The following BCAS3 variants were observed in gnomAD, a reference collection of about 807,000 sequenced individuals.
BCAS3 encodes the protein BCAS3 microtubule associated cell migration factor.
BCAS3 carries 53 observed loss-of-function variants against 116.1 expected under a neutral mutation model. The ratio of observed to expected loss-of-function variants is 0.46; its 90% CI spans 0.37 to 0.57. The LOEUF (loss-of-function observed/expected upper bound fraction) is 0.57, where lower values mean the gene tolerates loss of function less well. Ranked by LOEUF, BCAS3 falls within the 20% of genes least tolerant of loss-of-function variation. The pLI is 0.00. For missense variants in BCAS3, 917 were observed against 1,165.4 expected (o/e 0.79, Z 3.10); for synonymous variants, 391 against 408.2 (o/e 0.96, Z 0.51).
intron 22 of BCAS3, among the ~76,000 whole-genome samples, chr17:61,319,201 T>C (rs1022052419): frequency 2.2e-4 from 34 of 152,284 alleles, no homozygotes; most frequent in African/African-American, 7.9e-4. Flanking sequence ...CTGATCCCAG[T>C]AGGTAGCCAG....
rs1445513202 is a variant in BCAS3, at chr17:61,380,730, T to G, written c.2594-11247T>G. ...TGGGAGGTCTCTTCTGGAAGGGGAC[T>G]GGTTTGGGATGGGGAGTGGTTGTCA... On this transcript the variant is annotated intron_variant, in intron 23 of 23. Transcript: ENST00000407086. This position sits in a 1 kb window ranked among gnomAD's most constrained non-coding sequence, Gnocchi z 4.2. 6.6e-6 allele frequency among the ~76,000 whole-genome samples: 1 copy of G among 152,158 alleles called. No individual in the cohort carries two copies. The highest frequency in any genetic ancestry group is 2.4e-5 in the African/African-American group (1 of 41,444).
At chr17:61,071,365 ATTCTCCAAACTTT>A (rs1215797728) in intron 19 of BCAS3, among the ~76,000 whole-genome samples, 3 of 152,220 alleles carry the variant, frequency 2.0e-5, no homozygotes, top group African/African-American at 7.2e-5. Context: ...AATAATGTAG[ATTCTCCAAACTTT>A]TACTACTGAT....
At chr17:60,931,168 A>G (rs898316950) in intron 13 of BCAS3, among the ~76,000 whole-genome samples, 2 of 152,164 alleles carry the variant, frequency 1.3e-5, no homozygotes, top group Admixed American at 6.5e-5. Context: ...ATTGATCCCC[A>G]TGGTTAGATC....
At chr17:61,010,501 A>T (rs1045582674) in intron 15 of BCAS3, among the ~76,000 whole-genome samples, 9 of 150,308 alleles carry the variant, frequency 6.0e-5, no homozygotes, top group African/African-American at 1.5e-4. Flanking sequence ...TTTTTTTTTT[A>T]AATTGCAAAC....
At chr17:61,024,610 G>A (rs1239179478) in intron 16 of BCAS3, among the ~76,000 whole-genome samples, 1 of 151,386 alleles carries the variant, frequency 6.6e-6, no homozygotes, top group African/African-American at 2.4e-5. Flanking sequence ...ATCTCCTTTT[G>A]GCAACATGTT....
At chr17:60,931,524 A>G (rs1030788750) in intron 13 of BCAS3, among the ~76,000 whole-genome samples, 1 of 152,052 alleles carries the variant, frequency 6.6e-6, no homozygotes, top group African/African-American at 2.4e-5. Context: ...CAATCTGCCC[A>G]CCTTGGCTTC....
At chr17:60,795,714 G>A (rs1043223367) in intron 6 of BCAS3, among the ~76,000 whole-genome samples, 1 of 152,116 alleles carries the variant, frequency 6.6e-6, no homozygotes, top group African/African-American at 2.4e-5. Flanking sequence ...TTGTTTGGCG[G>A]AGTCTCGCTG....
intron 19 of BCAS3, among the ~76,000 whole-genome samples, chr17:61,060,146 A>G (rs1205456498): frequency 6.6e-6 from 1 of 152,010 alleles, no homozygotes; most frequent in Non-Finnish European, 1.5e-5. Flanking sequence ...TTATTTTTTG[A>G]GACAGAGTCT....
chr17:60,864,190 G>A (rs1271903327), intron 7 of BCAS3, among the ~76,000 whole-genome samples: 2 of 152,186 alleles, frequency 1.3e-5, no homozygotes, highest in Non-Finnish European at 2.9e-5. Flanking sequence ...TCTTTTCTAT[G>A]CTTTCCTGGT....
intron 22 of BCAS3, among the ~76,000 whole-genome samples, chr17:61,127,697 G>C (rs1451623297): frequency 1.4e-5 from 2 of 146,726 alleles, no homozygotes; most frequent in East Asian, 2.0e-4. Flanking sequence ...AGGTGGGAAA[G>C]AAGGAAATAT....
At chr17:60,880,946 T>A (rs1179499198) in intron 9 of BCAS3, among the ~76,000 whole-genome samples, 1 of 141,106 alleles carries the variant, frequency 7.1e-6, no homozygotes, top group Non-Finnish European at 1.5e-5. Context: ...TCTTTTCACT[T>A]TCTTCTTTTT....
chr17:61,353,352 T>A (rs1157800192), intron 22 of BCAS3, among the ~76,000 whole-genome samples: 4 of 152,156 alleles, frequency 2.6e-5, no homozygotes, highest in African/African-American at 9.7e-5. Context: ...GGGGTCTTAT[T>A]AAAATGCAGC....
At chr17:60,913,377 A>G (rs970584621) in intron 12 of BCAS3, among the ~76,000 whole-genome samples, 2 of 152,248 alleles carry the variant, frequency 1.3e-5, no homozygotes, top group Non-Finnish European at 2.9e-5. Flanking sequence ...TTTCAATAAA[A>G]GGTGAGTTAG....
intron 22 of BCAS3, among the ~76,000 whole-genome samples, chr17:61,138,743 G>T (rs573969151): frequency 3.9e-5 from 6 of 152,066 alleles, no homozygotes; most frequent in African/African-American, 1.4e-4. Context: ...TTGTTTTTTG[G>T]CTCTTGATCC....
intron 22 of BCAS3, among the ~76,000 whole-genome samples, chr17:61,202,396 C>A (rs2080892056): frequency 6.6e-6 from 1 of 152,054 alleles, no homozygotes; most frequent in Non-Finnish European, 1.5e-5. Context: ...GATTTTAACC[C>A]AAGATCTGGC....
intron 12 of BCAS3, among the ~76,000 whole-genome samples, chr17:60,917,658 A>G (rs2058843024): frequency 6.6e-6 from 1 of 151,968 alleles, no homozygotes; most frequent in Admixed American, 6.6e-5. Flanking sequence ...CAGTGGCACA[A>G]TGTTGGCCCA....
At chr17:61,270,533 C>G (rs776026698) in intron 22 of BCAS3, among the ~76,000 whole-genome samples, 10 of 152,088 alleles carry the variant, frequency 6.6e-5, no homozygotes, top group Non-Finnish European at 1.2e-4. Context: ...ATATTTCCTT[C>G]CACTTTATAG....
chr17:61,109,838 T>C (rs1371260657), intron 22 of BCAS3, among the ~76,000 whole-genome samples: 1 of 152,232 alleles, frequency 6.6e-6, no homozygotes, highest in African/African-American at 2.4e-5. Flanking sequence ...TTCTGGAAAT[T>C]AGTCCTTTGT....
At chr17:61,247,475 A>G (rs1446749915) in intron 22 of BCAS3, among the ~76,000 whole-genome samples, 2 of 152,168 alleles carry the variant, frequency 1.3e-5, no homozygotes, top group African/African-American at 4.8e-5. Flanking sequence ...AATTCTGTAC[A>G]TGTCACGATT....
Sources: gnomAD v4.1 joint callset for allele counts (sites outside exome capture counted in the v4.1 genomes callset) on GRCh38, gnomAD v4.1.1 for gene constraint, Gnocchi (gnomAD v3.1) non-coding constraint, MANE v1.5 for transcripts, NCBI Gene and HGNC (gene_info 2026-07-23, HGNC 2026-07-21) for gene names.